The following PCDHA2 variants were observed in gnomAD, a reference collection of about 807,000 sequenced individuals.
PCDHA2 encodes protocadherin alpha 2.
Under a neutral mutation model 66.0 loss-of-function variants are expected in PCDHA2, and 58 were observed. That is an observed-to-expected ratio of 0.88 (90% CI 0.71 to 1.09). PCDHA2 has a LOEUF of 1.09. PCDHA2 is among the 50% of genes least tolerant of loss of function. PCDHA2 has a pLI of 0.00. For missense variants in PCDHA2, 1,267 were observed against 1,242.3 expected, an observed-to-expected ratio of 1.02 and a Z score of -0.30; for synonymous variants, 634 against 554.0, an observed-to-expected ratio of 1.14 and a Z score of -2.03.
intron 1 of PCDHA2, among the ~76,000 whole-genome samples, chr5:140,873,346 T>C (rs1235906519): frequency 1.5e-4 from 23 of 152,226 alleles, no homozygotes; most frequent in African/African-American, 4.8e-4. Flanking sequence ...CATCTCCAGA[T>C]GAAATTTTTG....
rs2150436326 is a variant in PCDHA2 at position 140,849,370 on chromosome 5, A to C, written c.2388+52018A>C. ...GATGTTTCTCCAGATATAAAATCCA[A>C]GTTCCACATGGACCCCTTAAGTGGG... On this transcript the variant is annotated intron_variant, in intron 1 of 3. Transcript: ENST00000526136. 2.7e-6 allele frequency: 4 copies of C among 1,490,456 alleles called. No homozygotes were observed. The East Asian group carries it at 9.1e-5, about 34-fold the overall frequency. The allele number at this position is 1,490,456 out of a possible 1,614,324, so 92.3% of individuals were successfully genotyped here. A position where few individuals can be genotyped will look rare whatever the true frequency, so the allele number is the denominator to read the frequency against.
rs782722148 is a variant in PCDHA2, at chr5:140,857,308, T to A, written c.2388+59956T>A. 2 of 1,597,818 alleles carry A rather than the reference T, an allele frequency of 1.3e-6. 1 individual carries two copies. Among genetic ancestry groups the A allele is most frequent in the African/African-American group, 2.7e-5 (2 of 74,344 alleles). Reference sequence around the variant, plus strand: ...TGGACCGCGAGAGGGTGTCGGCCTATGAGCTGGTGGTGACCGCGCGGGACG... The same window carrying A: ...TGGACCGCGAGAGGGTGTCGGCCTAAGAGCTGGTGGTGACCGCGCGGGACG... On this transcript the variant is annotated intron_variant, in intron 1 of 3. Coordinates refer to ENST00000526136, the MANE Select transcript of PCDHA2 (RefSeq NM_018905.3).
rs114294981 is a variant in PCDHA2, at chr5:140,997,261, C to T, written c.2537-12366C>T. On this transcript the variant is annotated intron_variant, in intron 3 of 3. Transcript: ENST00000526136. ...CATGTTTACTTTAGGGTTCACTCTT[C>T]CAAATATTTCTTGCATCACTTAACA... Among the ~76,000 whole-genome samples, 265 of 152,266 alleles carry T rather than the reference C, an allele frequency of 1.7e-3. 1 individual carries two copies. The highest frequency in any genetic ancestry group is 6.2e-3 in the African/African-American group (257 of 41,540).
intron 1 of PCDHA2, chr5:140,829,891 C>A (rs1554132360): frequency 6.2e-7 from 1 of 1,613,952 alleles, no homozygotes; most frequent in Non-Finnish European, 8.5e-7. Context: ...TTGACGCCGA[C>A]TCAGGCTACA....
At chr5:140,801,785 G>A in intron 1 of PCDHA2, 1 of 1,613,314 alleles carries the variant, frequency 6.2e-7, no homozygotes. Flanking sequence ...GACTCGTGTT[G>A]AAAAAAAATT....
chr5:140,830,545 C>A, intron 1 of PCDHA2: 1 of 1,153,858 alleles, frequency 8.7e-7, no homozygotes, highest in Non-Finnish European at 1.2e-6. Flanking sequence ...TTGTTTTCCT[C>A]ATATTTGTCT....
chr5:140,818,203 G>A (rs2150100519), intron 1 of PCDHA2, among the ~76,000 whole-genome samples: 7 of 152,104 alleles, frequency 4.6e-5, no homozygotes, highest in African/African-American at 4.8e-5. Flanking sequence ...GTACATGTAT[G>A]TTAAATCTTT....
At chr5:140,839,749 T>TC (rs1400438543) in intron 1 of PCDHA2, among the ~76,000 whole-genome samples, 2 of 152,066 alleles carry the variant, frequency 1.3e-5, no homozygotes, top group African/African-American at 4.8e-5. Flanking sequence ...TATTTGCCTT[T>TC]CCTATTTAAC....
At chr5:140,918,560 G>A (rs1243205653) in intron 1 of PCDHA2, among the ~76,000 whole-genome samples, 1 of 152,180 alleles carries the variant, frequency 6.6e-6, no homozygotes, top group Non-Finnish European at 1.5e-5. Context: ...TGAGAAGAAT[G>A]TATATTATGC....
chr5:140,884,589 C>T, intron 1 of PCDHA2: 1 of 1,614,146 alleles, frequency 6.2e-7, no homozygotes, highest in Non-Finnish European at 8.5e-7. Flanking sequence ...GCCTTCAGTC[C>T]CAGCCTTCCT....
intron 1 of PCDHA2, among the ~76,000 whole-genome samples, chr5:140,879,606 G>A (rs1554170878): frequency 6.6e-6 from 1 of 152,196 alleles, no homozygotes; most frequent in Non-Finnish European, 1.5e-5. Context: ...AAAACAATGT[G>A]TCCAGGTACT....
intron 1 of PCDHA2, among the ~76,000 whole-genome samples, chr5:140,826,339 AC>A (rs1178030684): frequency 1.3e-5 from 2 of 152,118 alleles, no homozygotes; most frequent in Non-Finnish European, 1.5e-5. Context: ...AAGAAATTGA[AC>A]CCTTTGTTTG....
At chr5:140,850,915 T>G (rs2041875502) in intron 1 of PCDHA2, 1 of 1,529,718 alleles carries the variant, frequency 6.5e-7, no homozygotes. Flanking sequence ...ATTTTATTTA[T>G]TTATATAATT....
intron 1 of PCDHA2, chr5:140,843,622 G>C (rs1249780500): frequency 1.3e-6 from 2 of 1,595,910 alleles, no homozygotes; most frequent in East Asian, 2.2e-5. Flanking sequence ...CACCGAAGAC[G>C]GACCTCATGG....
At chr5:140,941,222 T>C (rs147673675) in intron 1 of PCDHA2, among the ~76,000 whole-genome samples, 3 of 116,858 alleles carry the variant, frequency 2.6e-5, no homozygotes, top group African/African-American at 6.4e-5. Flanking sequence ...TTCCTTTCTT[T>C]CTTTCTTTCT....
intron 1 of PCDHA2, chr5:140,829,736 G>C (rs2150173634): frequency 6.2e-7 from 1 of 1,613,682 alleles, no homozygotes; most frequent in Non-Finnish European, 8.5e-7. Flanking sequence ...GGGCAGCAAC[G>C]TGACGCTGCA....
At chr5:140,801,666 G>T in intron 1 of PCDHA2, 4 of 1,614,152 alleles carry the variant, frequency 2.5e-6, no homozygotes, top group Non-Finnish European at 1.7e-6. Context: ...GCTAGAGGGC[G>T]CATCAGATGC....
intron 1 of PCDHA2, among the ~76,000 whole-genome samples, chr5:140,819,759 C>T (rs1766617178): frequency 6.6e-6 from 1 of 152,080 alleles, no homozygotes; most frequent in East Asian, 1.9e-4. Context: ...AGTCTTGTTT[C>T]CTCCTGAAAT....
chr5:140,984,599 C>T (rs1415361733), intron 3 of PCDHA2, among the ~76,000 whole-genome samples: 1 of 152,162 alleles, frequency 6.6e-6, no homozygotes, highest in Non-Finnish European at 1.5e-5. Context: ...TCAATACATA[C>T]CTCTGCATCA....
Sources: allele counts gnomAD v4.1 joint callset (sites outside exome capture counted in the v4.1 genomes callset), GRCh38; gene constraint gnomAD v4.1.1; transcripts MANE v1.5; gene names NCBI Gene and HGNC (gene_info 2026-07-23, HGNC 2026-07-21).